The following MALRD1 variants were observed in gnomAD, a reference collection of about 807,000 sequenced individuals.
MALRD1 encodes the protein MAM and LDL-receptor class A domain-containing protein 1.
A neutral mutation model predicts 242.1 loss-of-function variants in MALRD1; 247 were observed. That is an observed-to-expected ratio of 1.02 (90% CI 0.92 to 1.13). The LOEUF (loss-of-function observed/expected upper bound fraction) is 1.13, where lower values mean the gene tolerates loss of function less well. Ranked by LOEUF, MALRD1 falls within the 50% of genes most tolerant of loss-of-function variation. The probability of loss-of-function intolerance (pLI) is 0.00; values close to 1 mark genes in which losing one functional copy is unlikely to be tolerated. For synonymous variants in MALRD1, 995 were observed against 866.6 expected, an observed-to-expected ratio of 1.15 and a Z score of -2.60; for missense variants, 2,989 against 2,533.1, an observed-to-expected ratio of 1.18 and a Z score of -3.86.
intron 36 of MALRD1, among the ~76,000 whole-genome samples, chr10:19,650,354 A>C (rs555700439): frequency 6.6e-6 from 1 of 152,360 alleles, no homozygotes; most frequent in African/African-American, 2.4e-5. Flanking sequence ...GTCTACTATA[A>C]GAAATGCATA....
intron 32 of MALRD1, among the ~76,000 whole-genome samples, chr10:19,559,759 C>T (rs182554160): frequency 8.2e-4 from 124 of 152,138 alleles, no homozygotes; most frequent in African/African-American, 2.9e-3. Context: ...GGCTAATATC[C>T]AGAATCTACA....
intron 12 of MALRD1, among the ~76,000 whole-genome samples, chr10:19,158,606 C>G (rs1364958004): frequency 6.6e-6 from 1 of 152,174 alleles, no homozygotes; most frequent in Non-Finnish European, 1.5e-5. Flanking sequence ...TGCTATATTA[C>G]CAAAGTAAAC....
intron 32 of MALRD1, among the ~76,000 whole-genome samples, chr10:19,548,453 G>C (rs747911134): frequency 3.3e-5 from 5 of 151,808 alleles, no homozygotes; most frequent in Non-Finnish European, 7.4e-5. Context: ...TTAATTGCAC[G>C]CTTCTAACTT....
At chr10:19,619,255 G>C (rs1839300690) in intron 36 of MALRD1, among the ~76,000 whole-genome samples, 2 of 152,010 alleles carry the variant, frequency 1.3e-5, no homozygotes, top group Admixed American at 1.3e-4. Flanking sequence ...CAACATAGGT[G>C]ATGTTTTTTT....
chr10:19,104,093 C>G lies in MALRD1; in HGVS notation c.694+18C>G. The G allele has an allele frequency of 8.4e-7, 1 of 1,185,622 alleles. No homozygotes were observed. The highest frequency in any genetic ancestry group is 4.3e-5 in the South Asian group (1 of 23,426). The allele number at this position is 1,185,622 out of a possible 1,614,324, so 73.4% of individuals were successfully genotyped here. A position where few individuals can be genotyped will look rare whatever the true frequency, so the allele number is the denominator to read the frequency against. Reference sequence around the variant, plus strand: ...TGCCAATGGTAAGAACTTTTTCTCTCATTTTGATCTTTACTGTGTTTAAAG... The same window carrying G: ...TGCCAATGGTAAGAACTTTTTCTCTGATTTTGATCTTTACTGTGTTTAAAG... On this transcript the variant is annotated intron_variant, in intron 5 of 39. Transcript: ENST00000454679.
At chr10:19,163,864 C>T (rs1834555546) in intron 12 of MALRD1, among the ~76,000 whole-genome samples, 2 of 152,154 alleles carry the variant, frequency 1.3e-5, no homozygotes, top group East Asian at 3.8e-4. Context: ...CTATGGATCC[C>T]ATTGGCATTT....
At chr10:19,156,485 GA>G (rs1834153126) in intron 12 of MALRD1, among the ~76,000 whole-genome samples, 4 of 147,114 alleles carry the variant, frequency 2.7e-5, no homozygotes, top group Non-Finnish European at 4.5e-5. Flanking sequence ...TTTTTGAGGG[GA>G]AACTCCAGAA....
At chr10:19,506,004 C>T (rs940828199) in intron 31 of MALRD1, among the ~76,000 whole-genome samples, 6 of 152,130 alleles carry the variant, frequency 3.9e-5, no homozygotes, top group African/African-American at 1.2e-4. Context: ...TTTAATTGGT[C>T]TTTGCTGTAG....
At chr10:19,306,223 CTATATATACT>C (rs1842187049) in intron 21 of MALRD1, among the ~76,000 whole-genome samples, 2 of 100,334 alleles carry the variant, frequency 2.0e-5, no homozygotes, top group African/African-American at 6.9e-5. Context: ...CACACACATA[CTATATATACT>C]ATACTATATA....
intron 29 of MALRD1, among the ~76,000 whole-genome samples, chr10:19,467,713 C>T (rs1836290916): frequency 6.7e-6 from 1 of 150,234 alleles, no homozygotes; most frequent in South Asian, 2.1e-4. Flanking sequence ...TGTCTAACAA[C>T]GTTTTTTCCC....
intron 14 of MALRD1, among the ~76,000 whole-genome samples, chr10:19,180,910 A>C (rs1033621262): frequency 1.2e-4 from 19 of 152,230 alleles, no homozygotes; most frequent in Non-Finnish European, 2.5e-4. Context: ...CCCTGAATAG[A>C]CATTTCTCCA....
intron 38 of MALRD1, among the ~76,000 whole-genome samples, chr10:19,693,999 G>A (rs559518934): frequency 1.3e-5 from 2 of 152,090 alleles, no homozygotes; most frequent in Admixed American, 6.6e-5. Flanking sequence ...TTAATAAATG[G>A]TGCTGGGAAA....
chr10:19,502,031 G>GA (rs1370673228), intron 31 of MALRD1, among the ~76,000 whole-genome samples: 6 of 132,332 alleles, frequency 4.5e-5, no homozygotes, highest in South Asian at 2.3e-4. Context: ...AAAAAGAAAA[G>GA]AAAAGAAAAG....
chr10:19,358,719 G>A (rs1465683827), intron 26 of MALRD1, among the ~76,000 whole-genome samples: 2 of 152,162 alleles, frequency 1.3e-5, no homozygotes, highest in Non-Finnish European at 2.9e-5. Flanking sequence ...TTGGAACAAT[G>A]TATGGAATAC....
At chr10:19,695,205 G>A (rs1342060439) in intron 38 of MALRD1, among the ~76,000 whole-genome samples, 1 of 151,936 alleles carries the variant, frequency 6.6e-6, no homozygotes. Context: ...ATGTACCCTA[G>A]AACTTAAAGT....
chr10:19,562,227 G>A (rs150508166), intron 32 of MALRD1, among the ~76,000 whole-genome samples: 370 of 152,130 alleles, frequency 2.4e-3, no homozygotes, highest in African/African-American at 8.6e-3. Context: ...CCCAGAAGGC[G>A]GAGTTTGCAG....
At chr10:19,629,600 C>T (rs1284944414) in intron 36 of MALRD1, among the ~76,000 whole-genome samples, 4 of 152,086 alleles carry the variant, frequency 2.6e-5, no homozygotes, top group Admixed American at 6.6e-5. Context: ...ATGGGGTAGC[C>T]GTTGGTTGAA....
rs181592729 is a variant in MALRD1 at position 19,117,940 on chromosome 10, C to T, written c.695-5552C>T. Among the ~76,000 whole-genome samples the T allele has an allele frequency of 4.7e-4, 71 of 151,072 alleles. No individual in the cohort carries two copies. The East Asian group carries it at 8.7e-3, about 19-fold the overall frequency. ...AGTTTTTTAGATAGTCGTGTGATAG[C>T]GGTGAAAAAGCAAATAGTAATCATT... On this transcript the variant is annotated intron_variant, in intron 5 of 39. Transcript: ENST00000454679.
chr10:19,563,132 T>A (rs942006118), intron 32 of MALRD1, among the ~76,000 whole-genome samples: 7 of 152,168 alleles, frequency 4.6e-5, no homozygotes, highest in African/African-American at 1.7e-4. Context: ...TTGTTTGATC[T>A]CTCTATATAT....
Sources: gnomAD v4.1 joint callset for allele counts (sites outside exome capture counted in the v4.1 genomes callset) on GRCh38, gnomAD v4.1.1 for gene constraint, MANE v1.5 for transcripts, NCBI Gene and HGNC (gene_info 2026-07-23, HGNC 2026-07-21) for gene names.